Variants in RTTN observed in about 807,000 individuals in gnomAD.
The protein encoded by RTTN is rotatin.
Under a neutral mutation model 269.2 loss-of-function variants are expected in RTTN, and 182 were observed. The ratio of observed to expected loss-of-function variants is 0.68; its 90% CI spans 0.60 to 0.76. RTTN has a LOEUF of 0.76. RTTN is among the 30% of genes least tolerant of loss of function. RTTN has a pLI of 0.00. For missense variants in RTTN, 2,545 were observed against 2,608.6 expected (o/e 0.98, Z 0.53); for synonymous variants, 1,006 against 963.5 (o/e 1.04, Z -0.82).
intron 13 of RTTN, 85 bp downstream of exon 13, chr18:70,166,830 ACAGT>A (rs1250615112): frequency 3.8e-6 from 3 of 798,860 alleles, no homozygotes; most frequent in East Asian, 2.6e-5. Context: ...ACAAAGATAT[ACAGT>A]CAGTTTCACT....
intron 38 of RTTN, 42 bp downstream of exon 38, chr18:70,054,089 G>A (rs1388411149): frequency 6.5e-7 from 1 of 1,530,320 alleles, no homozygotes; most frequent in Non-Finnish European, 9.0e-7. Context: ...TTTTTCCTCA[G>A]TATTATTCAC....
In RTTN at chr18:70,149,514, C is replaced by T. The variant is rs1215323568; in HGVS notation, c.2172+457G>A. Among the ~76,000 whole-genome samples, 4 of 143,066 alleles carry T rather than the reference C, an allele frequency of 2.8e-5. No individual in the cohort carries two copies. In the Admixed American group the frequency reaches 3.0e-4, roughly 11 times the overall value. The allele number at this position is 143,066 out of a possible 152,430, so 93.9% of individuals were successfully genotyped here. On this transcript the variant is annotated intron_variant, in intron 16 of 48. Coordinates refer to ENST00000640769, the MANE Select transcript of RTTN (RefSeq NM_173630.4). The stretch of plus-strand genomic sequence containing the variant: ...TCCAAAAGAGACAGGAAACTGACTC[C>T]TTTAATGTCCAGAAGGATTGCTTTT...
chr18:70,100,087 T>G (rs964937333), intron 28 of RTTN, among the ~76,000 whole-genome samples: 18 of 152,248 alleles, frequency 1.2e-4, no homozygotes, highest in African/African-American at 4.3e-4. Context: ...CCATTTGAAC[T>G]TTAAAGTAGT....
intron 14 of RTTN, among the ~76,000 whole-genome samples, chr18:70,155,880 T>C (rs886992498): frequency 1.3e-5 from 2 of 152,334 alleles, no homozygotes; most frequent in Middle Eastern, 3.4e-3. Context: ...ATTGTGAAGA[T>C]TTCATGGACA....
chr18:70,061,735 G>A (rs1319927793), intron 35 of RTTN, among the ~76,000 whole-genome samples: 1 of 152,108 alleles, frequency 6.6e-6, no homozygotes, highest in Admixed American at 6.5e-5. Flanking sequence ...TACTCGGGAT[G>A]AGGTGGGAGG....
intron 6 of RTTN, 115 bp from the exon 7 acceptor site, chr18:70,196,763 C>A: frequency 2.9e-6 from 3 of 1,032,754 alleles, no homozygotes; most frequent in South Asian, 1.6e-5. Context: ...AAATAAGTTG[C>A]CAAATATTTG....
At position 70,128,557 on chromosome 18, in the gene RTTN, T is replaced by C; in HGVS notation, c.2955-11A>G. On this transcript the variant is annotated splice_polypyrimidine_tract_variant and intron_variant, in intron 23 of 48. Coordinates refer to ENST00000640769, the MANE Select transcript of RTTN (RefSeq NM_173630.4). The stretch of plus-strand genomic sequence containing the variant: ...ACAGGTAGATGGTACCTAAAGAAAA[T>C]GTGTACAAATAATTACAAACTTTCA... The C allele has an allele frequency of 6.2e-7, 1 of 1,607,190 alleles. No individual in the cohort carries two copies. The highest frequency in any genetic ancestry group is 1.3e-5 in the African/African-American group (1 of 74,730).
chr18:70,109,835 C>T (rs1220920742), intron 27 of RTTN, 118 bp from the exon 28 acceptor site: 2 of 735,822 alleles, frequency 2.7e-6, no homozygotes, highest in East Asian at 2.7e-5. Context: ...ATGAACCAGA[C>T]AAAATGGCAG....
At chr18:70,019,696 A>C (rs1041450433) in intron 45 of RTTN, 1 of 152,200 alleles carries the variant, frequency 6.6e-6, no homozygotes, top group African/African-American at 2.4e-5. Context: ...AAATTCCTGC[A>C]AATTTAAGAT....
At chr18:70,134,337 A>AT in intron 23 of RTTN, 136 bp downstream of exon 23, 1 of 672,904 alleles carries the variant, frequency 1.5e-6, no homozygotes, top group South Asian at 1.7e-5. Flanking sequence ...TCAAAGCACC[A>AT]TTGTGAAGGA....
At chr18:70,029,173 A>T (rs2056940603) in intron 42 of RTTN, among the ~76,000 whole-genome samples, 1 of 152,064 alleles carries the variant, frequency 6.6e-6, no homozygotes, top group Admixed American at 6.6e-5. Flanking sequence ...CAAAAAAAAA[A>T]AAAAAAAGAA....
At position 70,059,955 on chromosome 18, in the gene RTTN, G is replaced by T; in HGVS notation, c.4835C>A (p.Ser1612Tyr). The T allele has an allele frequency of 1.2e-6, 2 of 1,614,070 alleles. No homozygotes were observed. The highest frequency in any genetic ancestry group is 1.7e-6 in the Non-Finnish European group (2 of 1,179,946). The change falls in exon 36 of 49, where the codon TCT becomes TAT. Residue 1612 changes from serine to tyrosine, a missense_variant. By Grantham distance (144) the Ser-to-Tyr change is moderately radical. Coordinates refer to ENST00000640769, the MANE Select transcript of RTTN (RefSeq NM_173630.4). Reference protein sequence around the residue: ...LPKLCVFVTPSLLSAMCSLLD... With the variant: ...LPKLCVFVTPYLLSAMCSLLD... ...GAGGCTGCACATTGCTGAAAGAAGA[G>T]ATGGAGTAACAAAAACACACAGTTT...
At position 70,128,661 on chromosome 18, in the gene RTTN, G is replaced by A. The variant is rs2059926299; in HGVS notation, c.2955-115C>T. The A allele has an allele frequency of 5.6e-6, 4 of 708,588 alleles. No homozygotes were observed. In the African/African-American group the frequency reaches 7.2e-5, roughly 13 times the overall value. The allele number at this position is 708,588 out of a possible 1,614,324, so 43.9% of individuals were successfully genotyped here. A position where few individuals can be genotyped will look rare whatever the true frequency, so the allele number is the denominator to read the frequency against. ...CCTCCCAACCCACAATAATGCAAAG[G>A]TTTCTCTTAGTCCCTATTTTAAACA... On this transcript the variant is annotated intron_variant, in intron 23 of 48. Transcript: ENST00000640769.
chr18:70,085,233 G>A (rs746012059), intron 32 of RTTN, among the ~76,000 whole-genome samples: 106 of 152,198 alleles, frequency 7.0e-4, no homozygotes, highest in Non-Finnish European at 4.4e-5. Flanking sequence ...TTTGTCTCCT[G>A]GTTTTATTAC....
intron 46 of RTTN, among the ~76,000 whole-genome samples, chr18:70,016,687 C>T (rs972188157): frequency 2.6e-5 from 4 of 152,124 alleles, no homozygotes; most frequent in Non-Finnish European, 5.9e-5. Flanking sequence ...ATCTGTCCTA[C>T]ATCTCAGAGA....
intron 28 of RTTN, among the ~76,000 whole-genome samples, chr18:70,108,267 A>G (rs576500494): frequency 1.9e-4 from 22 of 118,918 alleles, no homozygotes; most frequent in Admixed American, 1.2e-3. Context: ...ACAGAGCAAG[A>G]CTCTGTCTCA....
intron 32 of RTTN, among the ~76,000 whole-genome samples, chr18:70,076,322 G>C (rs1176847091): frequency 6.6e-6 from 1 of 151,908 alleles, no homozygotes; most frequent in African/African-American, 2.4e-5. Flanking sequence ...CCATAAGAGA[G>C]AGAAAAATAA....
Position 70,020,504 on chromosome 18 carries a change from T to TA in RTTN, c.6153+110dup. Reference sequence around the variant, plus strand: ...TTAACCCTTTTATAATCCTTTAAAATAAAATGCCTCAAAATCATAATAATC... The same window carrying TA: ...TTAACCCTTTTATAATCCTTTAAAATAAAAATGCCTCAAAATCATAATAATC... On this transcript the variant is annotated intron_variant, in intron 45 of 48. Transcript: ENST00000640769. 2.8e-6 allele frequency: 3 copies of TA among 1,086,572 alleles called. No homozygotes were observed. In the South Asian group the frequency reaches 4.7e-5, roughly 17 times the overall value. 67.3% of individuals were successfully genotyped at this position (1,086,572 alleles called of 1,614,324 possible). A position where few individuals can be genotyped will look rare whatever the true frequency, so the allele number is the denominator to read the frequency against.
In RTTN at chr18:70,089,143, T is replaced by C. The variant is rs571815991; in HGVS notation, c.4144-996A>G. Among the ~76,000 whole-genome samples, 14 of 152,358 alleles carry C rather than the reference T, an allele frequency of 9.2e-5. No individual in the cohort carries two copies. The East Asian group carries it at 2.7e-3, about 29-fold the overall frequency. The stretch of plus-strand genomic sequence containing the variant: ...GATTGAAAATGAGGGTGCTGTGTAC[T>C]GAACTGTGTCTCCTCAAGACTCGTA... On this transcript the variant is annotated intron_variant, in intron 30 of 48. Coordinates refer to ENST00000640769, the MANE Select transcript of RTTN (RefSeq NM_173630.4).
Sources: allele counts gnomAD v4.1 joint callset (sites outside exome capture counted in the v4.1 genomes callset), GRCh38; gene constraint gnomAD v4.1.1; transcripts MANE v1.5; gene names NCBI Gene and HGNC (gene_info 2026-07-23, HGNC 2026-07-21).